The following KSR2 variants were observed in gnomAD, a reference collection of about 807,000 sequenced individuals.
KSR2 encodes the protein kinase suppressor of ras 2.
Under a neutral mutation model 107.8 loss-of-function variants are expected in KSR2, and 25 were observed. The ratio of observed to expected loss-of-function variants is 0.23; its 90% CI spans 0.17 to 0.32. The LOEUF (loss-of-function observed/expected upper bound fraction) is 0.32, where lower values mean the gene tolerates loss of function less well. Among genes scored for constraint, KSR2 ranks in the 10% least tolerant of loss-of-function variants. KSR2 has a pLI of 1.00. For synonymous variants in KSR2, 480 were observed against 507.0 expected (o/e 0.95, Z 0.71); for missense variants, 887 against 1,268.9 (o/e 0.70, Z 4.57).
intron 10 of KSR2, among the ~76,000 whole-genome samples, chr12:117,533,880 C>G (rs1875840294): frequency 6.6e-6 from 1 of 152,190 alleles, no homozygotes; most frequent in African/African-American, 2.4e-5. Context: ...TGACTCCTCC[C>G]CATGTGCCAT....
At chr12:117,607,354 A>G (rs368294222) in intron 5 of KSR2, among the ~76,000 whole-genome samples, 160 of 152,308 alleles carry the variant, frequency 1.1e-3, no homozygotes, top group African/African-American at 3.5e-3. Context: ...ATGGGGAAAG[A>G]GACATAGCTA....
chr12:117,524,283 T>C (rs1164134641), intron 14 of KSR2, among the ~76,000 whole-genome samples: 3 of 152,212 alleles, frequency 2.0e-5, no homozygotes, highest in East Asian at 3.8e-4. Flanking sequence ...GTTACACAAA[T>C]ACTTGGAATA....
chr12:117,863,336 C>T (rs1328094792), intron 1 of KSR2, among the ~76,000 whole-genome samples: 2 of 152,184 alleles, frequency 1.3e-5, no homozygotes, highest in African/African-American at 4.8e-5. Context: ...ACCATCGTCC[C>T]TGCTGCCATC....
At chr12:117,882,033 A>T (rs1894044423) in intron 1 of KSR2, among the ~76,000 whole-genome samples, 1 of 152,198 alleles carries the variant, frequency 6.6e-6, no homozygotes, top group Admixed American at 6.5e-5. Flanking sequence ...CTCAAAAGCA[A>T]CTGTAAGTCT....
intron 12 of KSR2, 35 bp downstream of exon 12, chr12:117,530,906 T>C (rs1875575872): frequency 1.3e-6 from 2 of 1,593,258 alleles, no homozygotes; most frequent in South Asian, 2.2e-5. Flanking sequence ...GCTGGGAAGC[T>C]TGGGAAAGGG....
At chr12:117,849,110 A>AGAAGGAG (rs1693795517) in intron 3 of KSR2, among the ~76,000 whole-genome samples, 1 of 152,182 alleles carries the variant, frequency 6.6e-6, no homozygotes, top group African/African-American at 2.4e-5. Context: ...TTGAGGACTA[A>AGAAGGAG]GAAGGAGAAA....
At chr12:117,589,075 G>A (rs1429788005) in intron 5 of KSR2, among the ~76,000 whole-genome samples, 1 of 152,266 alleles carries the variant, frequency 6.6e-6, no homozygotes, top group East Asian at 1.9e-4. Flanking sequence ...GAACTCTAGA[G>A]TTGAACCCAG....
At chr12:117,913,814 A>G (rs1400936988) in intron 1 of KSR2, among the ~76,000 whole-genome samples, 1 of 152,122 alleles carries the variant, frequency 6.6e-6, no homozygotes, top group African/African-American at 2.4e-5. Flanking sequence ...CAGCAGCCCT[A>G]GGAAATTAAC....
chr12:117,706,676 G>T (rs564152507), intron 4 of KSR2, among the ~76,000 whole-genome samples: 4 of 152,020 alleles, frequency 2.6e-5, no homozygotes, highest in Admixed American at 6.6e-5. Context: ...TAAGACAAAG[G>T]TTGCTCAACT....
chr12:117,656,546 G>A (rs1259105309), intron 5 of KSR2, among the ~76,000 whole-genome samples: 2 of 152,174 alleles, frequency 1.3e-5, no homozygotes, highest in African/African-American at 4.8e-5. Flanking sequence ...CCCAGGAGGT[G>A]GAGGCTGTGG....
At chr12:117,664,368 G>A (rs747745934) in intron 5 of KSR2, among the ~76,000 whole-genome samples, 4 of 152,172 alleles carry the variant, frequency 2.6e-5, no homozygotes, top group African/African-American at 7.2e-5. Flanking sequence ...AGCCAGAGCC[G>A]ACAGTTACAA....
intron 1 of KSR2, among the ~76,000 whole-genome samples, chr12:117,898,631 T>A (rs1407622532): frequency 2.0e-5 from 3 of 151,462 alleles, no homozygotes; most frequent in African/African-American, 7.3e-5. Flanking sequence ...TTTTTAACTT[T>A]AAAAAAAAAT....
chr12:117,518,412 A>G (rs4767553), intron 14 of KSR2, among the ~76,000 whole-genome samples: 54,227 of 152,044 alleles, frequency 0.36, 10,957 homozygotes, highest in South Asian at 0.56. Flanking sequence ...ATTCACTGGT[A>G]TCGTTCCTAA....
At chr12:117,510,908 A>C (rs2137197858) in intron 14 of KSR2, among the ~76,000 whole-genome samples, 1 of 151,788 alleles carries the variant, frequency 6.6e-6, no homozygotes, top group Admixed American at 6.6e-5. Flanking sequence ...AATCCTCAAC[A>C]ACAGCAGCAG....
At chr12:117,869,496 C>T (rs957764738) in intron 1 of KSR2, among the ~76,000 whole-genome samples, 1 of 152,212 alleles carries the variant, frequency 6.6e-6, no homozygotes. Flanking sequence ...TAGTTAGGTG[C>T]CCATCTTTCC....
intron 14 of KSR2, among the ~76,000 whole-genome samples, chr12:117,505,048 C>T (rs998939205): frequency 2.0e-5 from 3 of 152,166 alleles, no homozygotes; most frequent in Non-Finnish European, 4.4e-5. Flanking sequence ...ATAATGGCCT[C>T]CAGCTTCATC....
intron 5 of KSR2, among the ~76,000 whole-genome samples, chr12:117,585,084 T>C (rs1024240744): frequency 3.9e-5 from 6 of 152,172 alleles, no homozygotes; most frequent in Non-Finnish European, 8.8e-5. Context: ...GTGTGTGTGT[T>C]ACCAGCATCT....
intron 4 of KSR2, among the ~76,000 whole-genome samples, chr12:117,675,447 A>T (rs1360080755): frequency 6.6e-6 from 1 of 152,250 alleles, no homozygotes; most frequent in East Asian, 1.9e-4. Context: ...CAAGGACAGA[A>T]ATACAATTTC....
chr12:117,708,425 A>G (rs2393253), intron 4 of KSR2, among the ~76,000 whole-genome samples: 98,687 of 151,876 alleles, frequency 0.65, 34,394 homozygotes, highest in African/African-American at 0.91. Context: ...TAGTAGCACC[A>G]GAACCTGAAT....
Sources: allele counts gnomAD v4.1 joint callset (sites outside exome capture counted in the v4.1 genomes callset), GRCh38; gene constraint gnomAD v4.1.1; transcripts MANE v1.5; gene names NCBI Gene and HGNC (gene_info 2026-07-23, HGNC 2026-07-21).